Variants in PC observed in about 807,000 individuals in gnomAD.
PC encodes pyruvate carboxylase, mitochondrial.
Under a neutral mutation model 107.8 loss-of-function variants are expected in PC, and 46 were observed. That is an observed-to-expected ratio of 0.43 (90% CI 0.34 to 0.55). The LOEUF is 0.55. Ranked by LOEUF, PC falls within the 20% of genes least tolerant of loss-of-function variation. PC has a pLI of 0.04. For synonymous variants in PC, 662 were observed against 684.7 expected (o/e 0.97, Z 0.52); for missense variants, 1,241 against 1,643.1 (o/e 0.76, Z 4.23).
At chr11:66,935,222 C>A (rs1288455110) in intron 3 of PC, among the ~76,000 whole-genome samples, 2 of 152,174 alleles carry the variant, frequency 1.3e-5, no homozygotes, top group African/African-American at 4.8e-5. Flanking sequence ...TGAGAAAACG[C>A]AGGATTAGAA....
At chr11:66,945,460 G>A (rs1257181099) in intron 3 of PC, among the ~76,000 whole-genome samples, 1 of 106,284 alleles carries the variant, frequency 9.4e-6, no homozygotes, top group African/African-American at 3.4e-5. Context: ...GAGATGAGAA[G>A]AGGAAGACAT....
At chr11:66,861,395 C>T (rs1946248440) in intron 12 of PC, among the ~76,000 whole-genome samples, 1 of 152,222 alleles carries the variant, frequency 6.6e-6, no homozygotes, top group Admixed American at 6.5e-5. Flanking sequence ...GCACAGACTC[C>T]CTGGTGTTTT....
At chr11:66,880,851 G>A (rs1302283245) in intron 3 of PC, among the ~76,000 whole-genome samples, 1 of 152,240 alleles carries the variant, frequency 6.6e-6, no homozygotes, top group African/African-American at 2.4e-5. Context: ...TGGCAATCAA[G>A]AAGTTCTCAA....
Position 66,849,868 on chromosome 11 carries a change from C to A in PC, c.2899-9G>T, listed in dbSNP as rs372755874. 2 of 1,613,672 alleles carry A rather than the reference C, an allele frequency of 1.2e-6. No homozygotes were observed. Among genetic ancestry groups the A allele is most frequent in the East Asian group, 4.5e-5 (2 of 44,876 alleles). On this transcript the variant is annotated splice_polypyrimidine_tract_variant and intron_variant, in intron 20 of 22. Transcript: ENST00000393960. Reference sequence around the variant, plus strand: ...GGCAGGTCCTTCAGTACCTGGGGAGCAAAGCAGAGGATCAGTCCCAAGTCC... The same window carrying A: ...GGCAGGTCCTTCAGTACCTGGGGAGAAAAGCAGAGGATCAGTCCCAAGTCC...
chr11:66,940,199 CTTT>C (rs144463616), intron 3 of PC, among the ~76,000 whole-genome samples: 23 of 137,402 alleles, frequency 1.7e-4, no homozygotes, highest in Non-Finnish European at 9.5e-5. Context: ...GTTCCCAAAA[CTTT>C]TTTTTTTTTT....
rs1292189910 is a variant in PC at position 66,945,108 on chromosome 11, A to G, written c.-1+7322T>C. 4.3e-5 allele frequency among the ~76,000 whole-genome samples: 5 copies of G among 117,210 alleles called. 2 individuals are homozygous for G. Among genetic ancestry groups the G allele is most frequent in the Admixed American group, 2.4e-4 (3 of 12,406 alleles). 76.9% of individuals were successfully genotyped at this position (117,210 alleles called of 152,430 possible). On this transcript the variant is annotated intron_variant, in intron 3 of 22. Coordinates refer to ENST00000393960, the MANE Select transcript of PC (RefSeq NM_001040716.2). ...AAAGGTGGCACTGGTTCCAGATGCTATAATTTATTGGTAACCAGGCGTGAT... is the reference window on the plus strand; with the variant it reads ...AAAGGTGGCACTGGTTCCAGATGCTGTAATTTATTGGTAACCAGGCGTGAT...
At chr11:66,859,796 G>C in intron 12 of PC, 1 of 1,594,682 alleles carries the variant, frequency 6.3e-7, no homozygotes. Flanking sequence ...TGCCGGCCTC[G>C]CCCCTGTGCC....
At chr11:66,918,859 G>A (rs1218151504) in intron 3 of PC, among the ~76,000 whole-genome samples, 1 of 152,134 alleles carries the variant, frequency 6.6e-6, no homozygotes, top group Non-Finnish European at 1.5e-5. Context: ...AGAAGGCCCA[G>A]GAGGAGGGAG....
At chr11:66,953,907 C>A (rs1949494907) in intron 2 of PC, among the ~76,000 whole-genome samples, 1 of 152,074 alleles carries the variant, frequency 6.6e-6, no homozygotes, top group Non-Finnish European at 1.5e-5. Context: ...TCTAATAGGA[C>A]CTTCGTAATA....
In PC at chr11:66,864,033, A is replaced by G. The variant is rs1052193305; in HGVS notation, c.1186-77T>C. 4 of 1,420,808 alleles carry G rather than the reference A, an allele frequency of 2.8e-6. No homozygotes were observed. The African/African-American group carries it at 5.6e-5, about 20-fold the overall frequency. 88.0% of individuals were successfully genotyped at this position (1,420,808 alleles called of 1,614,324 possible). On this transcript the variant is annotated intron_variant, in intron 11 of 22. Coordinates refer to ENST00000393960, the MANE Select transcript of PC (RefSeq NM_001040716.2). Reference sequence around the variant, plus strand: ...TGCCCCACCCACCCCGAGGCTGGCCAGGTGTGCACCCAGCAGCTGCTGAGA... The same window carrying G: ...TGCCCCACCCACCCCGAGGCTGGCCGGGTGTGCACCCAGCAGCTGCTGAGA...
chr11:66,889,622 C>T (rs1271072760), intron 3 of PC, among the ~76,000 whole-genome samples: 1 of 152,108 alleles, frequency 6.6e-6, no homozygotes, highest in African/African-American at 2.4e-5. Flanking sequence ...GATCCGCCTG[C>T]CTTGGCCTCC....
At chr11:66,859,728 G>C in intron 12 of PC, 1 of 1,610,756 alleles carries the variant, frequency 6.2e-7, no homozygotes, top group Non-Finnish European at 8.5e-7. Context: ...GTCACCGGCC[G>C]CTGGGCCCTC....
chr11:66,939,916 T>C (rs796715009), intron 3 of PC, among the ~76,000 whole-genome samples: 1 of 148,264 alleles, frequency 6.7e-6, no homozygotes, highest in East Asian at 2.0e-4. Context: ...ACCATATCCA[T>C]GACCTAAACA....
rs541397114 is a variant in PC at position 66,882,292 on chromosome 11, C to T, written c.1-10133G>A. ...AGCCTTTCTGGGGACCAGGGCAGGG[C>T]GCCACCTAAGAGCTGCTGCAGCTGA... is the stretch of plus-strand genomic sequence containing the variant. On this transcript the variant is annotated intron_variant, in intron 3 of 22. Coordinates refer to ENST00000393960, the MANE Select transcript of PC (RefSeq NM_001040716.2). 4.4e-4 allele frequency among the ~76,000 whole-genome samples: 67 copies of T among 152,200 alleles called. 1 individual carries two copies. Among genetic ancestry groups the T allele is most frequent in the Non-Finnish European group, 7.3e-4 (50 of 68,038 alleles).
At chr11:66,942,124 C>T (rs1454294042) in intron 3 of PC, among the ~76,000 whole-genome samples, 5 of 147,300 alleles carry the variant, frequency 3.4e-5, no homozygotes, top group Non-Finnish European at 3.0e-5. Context: ...AAATGCTGGG[C>T]GCGGTGGCTC....
chr11:66,896,598 G>A (rs1227782919), intron 3 of PC, among the ~76,000 whole-genome samples: 1 of 152,250 alleles, frequency 6.6e-6, no homozygotes, highest in Non-Finnish European at 1.5e-5. Context: ...AGGATGGACA[G>A]CGCCGCTGGC....
chr11:66,897,232 C>G (rs1947792564), intron 3 of PC, among the ~76,000 whole-genome samples: 2 of 152,156 alleles, frequency 1.3e-5, no homozygotes, highest in Admixed American at 1.3e-4. Context: ...CCGCGCCCAG[C>G]CTTGACCCTT....
At chr11:66,930,041 AC>A (rs1275587564) in intron 3 of PC, among the ~76,000 whole-genome samples, 2 of 152,060 alleles carry the variant, frequency 1.3e-5, no homozygotes, top group African/African-American at 4.8e-5. Context: ...AAGAGATCTT[AC>A]CCCCAGTGAA....
intron 3 of PC, among the ~76,000 whole-genome samples, chr11:66,903,624 T>C (rs1187123440): frequency 6.7e-6 from 1 of 149,046 alleles, no homozygotes; most frequent in African/African-American, 2.5e-5. Context: ...GGCAGGCACC[T>C]GTAATCCCAG....
Sources: gnomAD v4.1 joint callset for allele counts (sites outside exome capture counted in the v4.1 genomes callset) on GRCh38, gnomAD v4.1.1 for gene constraint, MANE v1.5 for transcripts, NCBI Gene and HGNC (gene_info 2026-07-23, HGNC 2026-07-21) for gene names.